Variants in SDK1 observed in about 807,000 individuals in gnomAD.
SDK1 encodes sidekick cell adhesion molecule 1.
A neutral mutation model predicts 245.5 loss-of-function variants in SDK1; 157 were observed. The ratio of observed to expected loss-of-function variants is 0.64; its 90% CI spans 0.56 to 0.73. The LOEUF is 0.73. Among genes scored for constraint, SDK1 ranks in the 30% least tolerant of loss-of-function variants. The pLI is 0.00. For synonymous variants in SDK1, 1,647 were observed against 1,278.5 expected (o/e 1.29, Z -6.15); for missense variants, 3,583 against 3,002.3 (o/e 1.19, Z -4.52).
intron 5 of SDK1, among the ~76,000 whole-genome samples, chr7:3,900,730 C>G (rs1026896404): frequency 6.6e-6 from 1 of 152,044 alleles, no homozygotes. Flanking sequence ...CTCTCTCCCC[C>G]TCTCCATTTC....
intron 40 of SDK1, among the ~76,000 whole-genome samples, chr7:4,223,820 C>G (rs1406031525): frequency 1.3e-5 from 2 of 152,168 alleles, no homozygotes; most frequent in Non-Finnish European, 1.5e-5. Flanking sequence ...ATAGTAGGCC[C>G]TGTGACACTT....
At chr7:3,776,819 T>G (rs1273498525) in intron 4 of SDK1, among the ~76,000 whole-genome samples, 5 of 152,194 alleles carry the variant, frequency 3.3e-5, no homozygotes, top group Non-Finnish European at 7.3e-5. Context: ...TGACCTTGGT[T>G]TTGTTACAGT....
intron 4 of SDK1, among the ~76,000 whole-genome samples, chr7:3,709,639 T>C (rs1784984497): frequency 6.6e-6 from 1 of 152,256 alleles, no homozygotes; most frequent in Non-Finnish European, 1.5e-5. Flanking sequence ...CTCTGCAGAC[T>C]ATTTTTTCTT....
intron 44 of SDK1, among the ~76,000 whole-genome samples, chr7:4,251,845 C>T (rs1364559856): frequency 1.3e-5 from 2 of 152,196 alleles, no homozygotes; most frequent in Non-Finnish European, 2.9e-5. Context: ...TTTTTGGTTA[C>T]TGTGAACAAT....
In SDK1 at chr7:4,148,311, C is replaced by G. The variant is rs144417216; in HGVS notation, c.4424-951C>G. On this transcript the variant is annotated intron_variant, in intron 29 of 44. Transcript: ENST00000404826. ...CATTCTAATCAGAATCAATAATCTT[C>G]ATGATAAACAATTAAACAATTATTC... Among the ~76,000 whole-genome samples the G allele has an allele frequency of 4.0e-3, 606 of 152,332 alleles. 1 individual carries two copies. Among genetic ancestry groups the G allele is most frequent in the Non-Finnish European group, 6.2e-3 (424 of 68,040 alleles).
chr7:3,641,547 G>A (rs1019573207), intron 3 of SDK1, among the ~76,000 whole-genome samples: 4 of 152,160 alleles, frequency 2.6e-5, no homozygotes, highest in African/African-American at 7.2e-5. Context: ...AGCAAGGGCC[G>A]GTGCCGGGCT....
intron 1 of SDK1, among the ~76,000 whole-genome samples, chr7:3,604,619 T>G (rs1265742598): frequency 3.3e-5 from 4 of 122,750 alleles, no homozygotes; most frequent in Non-Finnish European, 7.1e-5. Flanking sequence ...TTTTTTTTTT[T>G]GAGACAGAGT....
At chr7:4,181,508 G>T (rs1186788844) in intron 35 of SDK1, among the ~76,000 whole-genome samples, 1 of 152,120 alleles carries the variant, frequency 6.6e-6, no homozygotes, top group Non-Finnish European at 1.5e-5. Context: ...TTAGCATCAC[G>T]GTGTGATGTG....
intron 4 of SDK1, among the ~76,000 whole-genome samples, chr7:3,770,577 A>G (rs1234981055): frequency 6.6e-6 from 1 of 152,172 alleles, no homozygotes; most frequent in Non-Finnish European, 1.5e-5. Context: ...GCAACGTCTG[A>G]GTGGAGTAGA....
intron 4 of SDK1, among the ~76,000 whole-genome samples, chr7:3,668,293 C>T (rs1783597523): frequency 6.6e-6 from 1 of 152,134 alleles, no homozygotes; most frequent in Admixed American, 6.5e-5. Flanking sequence ...GCAGTAGATT[C>T]CTCTTCCAAC....
intron 1 of SDK1, among the ~76,000 whole-genome samples, chr7:3,589,057 T>C (rs368468720): frequency 3.9e-5 from 6 of 152,238 alleles, no homozygotes; most frequent in African/African-American, 1.4e-4. Flanking sequence ...AACAGCTGTT[T>C]TACGGACATC....
intron 4 of SDK1, among the ~76,000 whole-genome samples, chr7:3,646,171 T>G (rs1022098922): frequency 6.6e-6 from 1 of 152,160 alleles, no homozygotes; most frequent in Non-Finnish European, 1.5e-5. Context: ...TGCACCTATT[T>G]TTAACCTCCT....
chr7:3,825,725 T>C (rs2115065659), intron 5 of SDK1, among the ~76,000 whole-genome samples: 1 of 152,336 alleles, frequency 6.6e-6, no homozygotes, highest in East Asian at 1.9e-4. Flanking sequence ...AGAATGTCCA[T>C]GAACAGTCAT....
chr7:3,492,384 C>T (rs1268745704), intron 1 of SDK1, among the ~76,000 whole-genome samples: 2 of 152,226 alleles, frequency 1.3e-5, no homozygotes, highest in Non-Finnish European at 2.9e-5. Flanking sequence ...GTCCCAGCTA[C>T]TCAGGAGGCT....
chr7:4,217,807 T>G (rs1400177173), intron 38 of SDK1, among the ~76,000 whole-genome samples: 3 of 152,166 alleles, frequency 2.0e-5, no homozygotes, highest in Non-Finnish European at 4.4e-5. Flanking sequence ...ATAAATAAAA[T>G]TCTGACACAC....
At chr7:3,367,236 A>C (rs554938312) in intron 1 of SDK1, among the ~76,000 whole-genome samples, 20 of 151,926 alleles carry the variant, frequency 1.3e-4, no homozygotes, top group Admixed American at 3.3e-4. Context: ...GTAATTTGTC[A>C]TCGTTGTAAT....
intron 1 of SDK1, among the ~76,000 whole-genome samples, chr7:3,309,692 T>C (rs1389070650): frequency 2.0e-5 from 3 of 152,122 alleles, no homozygotes; most frequent in Admixed American, 6.5e-5. Flanking sequence ...TTGCAGAACA[T>C]AAAAGAAAAC....
chr7:3,348,625 G>A (rs761941508), intron 1 of SDK1, among the ~76,000 whole-genome samples: 7 of 152,112 alleles, frequency 4.6e-5, no homozygotes, highest in Non-Finnish European at 1.0e-4. Context: ...CTATGGGCTC[G>A]TCTGCACCCC....
At chr7:3,542,333 G>C (rs558373135) in intron 1 of SDK1, among the ~76,000 whole-genome samples, 1 of 152,328 alleles carries the variant, frequency 6.6e-6, no homozygotes, top group African/African-American at 2.4e-5. Context: ...CTGGAAAGGT[G>C]ATTACATTTC....
Sources: allele counts gnomAD v4.1 joint callset (sites outside exome capture counted in the v4.1 genomes callset), GRCh38; gene constraint gnomAD v4.1.1; transcripts MANE v1.5; gene names NCBI Gene and HGNC (gene_info 2026-07-23, HGNC 2026-07-21).